ITSN2: variants seen among roughly 807,000 people sequenced by gnomAD.
ITSN2 encodes intersectin 2, also known as intersectin-2.
In ITSN2, 156 loss-of-function variants were observed where a neutral mutation model predicts 243.7. The observed-to-expected ratio is 0.64, with a 90% confidence interval of 0.56 to 0.73. The LOEUF is 0.73. Among genes scored for constraint, ITSN2 ranks in the 30% least tolerant of loss-of-function variants. The pLI is 0.00. For missense variants in ITSN2, 1,801 were observed against 1,996.1 expected, an observed-to-expected ratio of 0.90 and a Z score of 1.86; for synonymous variants, 703 against 699.9, an observed-to-expected ratio of 1.00 and a Z score of -0.07.
chr2:24,220,766 C>T, intron 30 of ITSN2, 179 bp downstream of exon 30: 1 of 1,406,738 alleles, frequency 7.1e-7, no homozygotes. Context: ...CAAGCATTAT[C>T]CGGCAGGCAG....
rs755131394 is a variant in ITSN2 at position 24,315,177 on chromosome 2, C to T, written c.79G>A (p.Asp27Asn). ...AITSEERTKH[D>N]RQFDNLKPSG... is the part of the protein sequence containing the mutation. ...GGTTTGAGGTTATCAAACTGCCTGT[C>T]ATGCTTAGTACGTTCTTCAGAGGTA... Residue 27 changes from aspartate (D) to asparagine (N), a missense_variant, in exon 3 of 40, where the codon GAC (aspartate) becomes AAC (asparagine). Physicochemically the swap from Asp to Asn is conservative, Grantham distance 23. Transcript: ENST00000355123. The T allele has an allele frequency of 1.2e-6, 2 of 1,612,820 alleles. No individual in the cohort carries two copies. The highest frequency in any genetic ancestry group is 2.2e-5 in the South Asian group (2 of 90,916).
chr2:24,246,695 G>T (rs1673415135), intron 28 of ITSN2, 102 bp downstream of exon 28: 2 of 748,334 alleles, frequency 2.7e-6, no homozygotes, highest in Middle Eastern at 4.8e-4. Context: ...CATAAGGAAA[G>T]AACACATTTT....
At chr2:24,251,616 T>C (rs375451450) in intron 25 of ITSN2, among the ~76,000 whole-genome samples, 1 of 145,046 alleles carries the variant, frequency 6.9e-6, no homozygotes, top group South Asian at 2.2e-4. Flanking sequence ...TATATATATA[T>C]ACACACACAC....
chr2:24,206,357 T>C (rs1558420248), intron 37 of ITSN2: 2 of 356,114 alleles, frequency 5.6e-6, no homozygotes, highest in Non-Finnish European at 1.1e-5. Context: ...GCAGGCTGCA[T>C]GGGGGGGCCC....
chr2:24,332,917 G>A (rs1051121862), intron 1 of ITSN2, among the ~76,000 whole-genome samples: 2 of 152,090 alleles, frequency 1.3e-5, no homozygotes, highest in African/African-American at 4.8e-5. Context: ...TATTCATTGA[G>A]AATCCAATGT....
At chr2:24,347,685 T>G (rs1687667548) in intron 1 of ITSN2, among the ~76,000 whole-genome samples, 1 of 147,452 alleles carries the variant, frequency 6.8e-6, no homozygotes, top group Admixed American at 6.8e-5. Flanking sequence ...AAATGTCATC[T>G]CAAAAAAAAA....
At chr2:24,222,591 A>T (rs1670572696) in intron 29 of ITSN2, among the ~76,000 whole-genome samples, 1 of 151,526 alleles carries the variant, frequency 6.6e-6, no homozygotes, top group Admixed American at 6.6e-5. Context: ...TCCTTTAAAA[A>T]CTTTTGTCCT....
intron 1 of ITSN2, among the ~76,000 whole-genome samples, chr2:24,346,367 C>G (rs1394746543): frequency 6.6e-5 from 10 of 152,130 alleles, no homozygotes; most frequent in Non-Finnish European, 1.5e-4. Flanking sequence ...AATATACTTA[C>G]AATATATTTA....
chr2:24,289,999 AT>A (rs901970232), intron 15 of ITSN2, among the ~76,000 whole-genome samples: 4 of 151,908 alleles, frequency 2.6e-5, no homozygotes, highest in African/African-American at 9.7e-5. Flanking sequence ...TTCTATATCT[AT>A]TTTTTTTGAG....
chr2:24,334,589 C>G, intron 1 of ITSN2: 2 of 1,028,016 alleles, frequency 1.9e-6, no homozygotes, highest in African/African-American at 1.6e-5. Context: ...TGACACAGTA[C>G]AAGAAGGGCA....
chr2:24,258,375 C>T (rs140966656), intron 22 of ITSN2, among the ~76,000 whole-genome samples: 17 of 152,296 alleles, frequency 1.1e-4, no homozygotes, highest in African/African-American at 2.9e-4. Flanking sequence ...ATTCACACAT[C>T]CATGAAATAC....
intron 2 of ITSN2, 36 bp from the exon 3 acceptor site, chr2:24,315,260 T>A: frequency 9.0e-7 from 1 of 1,107,918 alleles, no homozygotes; most frequent in Non-Finnish European, 1.4e-6. Flanking sequence ...AGTGTATACA[T>A]GAGAATGCTT....
chr2:24,227,176 T>C (rs1169876384), intron 29 of ITSN2, among the ~76,000 whole-genome samples: 1 of 151,882 alleles, frequency 6.6e-6, no homozygotes, highest in African/African-American at 2.4e-5. Flanking sequence ...GGTGATACCC[T>C]TAGGGTGACT....
intron 31 of ITSN2, among the ~76,000 whole-genome samples, chr2:24,217,009 G>A (rs371904188): frequency 1.9e-4 from 28 of 149,812 alleles, no homozygotes; most frequent in African/African-American, 6.6e-4. Flanking sequence ...GCGTGAACCC[G>A]GGAGGCGGAG....
chr2:24,227,422 TTACTC>T (rs1163837265), intron 29 of ITSN2, among the ~76,000 whole-genome samples: 1 of 151,930 alleles, frequency 6.6e-6, no homozygotes, highest in East Asian at 1.9e-4. Context: ...ATGTTTAACA[TTACTC>T]AAGACACATA....
At chr2:24,350,327 T>G (rs764370047) in intron 1 of ITSN2, among the ~76,000 whole-genome samples, 4 of 152,216 alleles carry the variant, frequency 2.6e-5, no homozygotes, top group African/African-American at 9.7e-5. Context: ...GGCTCACCAA[T>G]AGTATAAAAT....
chr2:24,203,636 GT>G lies in ITSN2; in HGVS notation c.5083del (p.Thr1695LeufsTer56), dbSNP rs751094605. 1.9e-6 allele frequency: 3 copies of G among 1,613,924 alleles called. No homozygotes were observed. The highest frequency in any genetic ancestry group is 1.1e-5 in the South Asian group (1 of 91,074). On this transcript the variant is annotated frameshift_variant, in exon 40 of 40. Transcript: ENST00000355123. LOFTEE classifies it high-confidence loss of function. ...TGTCCTTTAGAACCCCTACAGGAGAGTTTTTTGCTCAAAAAGCTGCAGGTCA... is the reference window on the plus strand; with the variant it reads ...TGTCCTTTAGAACCCCTACAGGAGAGTTTTTGCTCAAAAAGCTGCAGGTCA... ...RFDLQLFEQKTLL is the reference protein window; with the variant it reads ...RFDLQLFEQKXLL
At chr2:24,212,830 C>T (rs1669623181) in intron 32 of ITSN2, 82 bp from the exon 33 acceptor site, 9 of 1,109,260 alleles carry the variant, frequency 8.1e-6, no homozygotes, top group African/African-American at 4.6e-5. Context: ...TTTTAGATTT[C>T]ACATTTCTTT....
At chr2:24,232,417 T>C (rs1018674549) in intron 29 of ITSN2, among the ~76,000 whole-genome samples, 3 of 152,228 alleles carry the variant, frequency 2.0e-5, no homozygotes, top group African/African-American at 7.2e-5. Flanking sequence ...AATGACCTCC[T>C]AATGATAGAC....
Sources: gnomAD v4.1 joint callset for allele counts (sites outside exome capture counted in the v4.1 genomes callset) on GRCh38, gnomAD v4.1.1 for gene constraint, MANE v1.5 for transcripts, NCBI Gene and HGNC (gene_info 2026-07-23, HGNC 2026-07-21) for gene names.